The following ST7 variants were observed in gnomAD, a reference collection of about 807,000 sequenced individuals.
ST7 encodes the protein suppressor of tumorigenicity 7 protein.
A neutral mutation model predicts 78.7 loss-of-function variants in ST7; 28 were observed. The ratio of observed to expected loss-of-function variants is 0.36; its 90% CI spans 0.26 to 0.49. The LOEUF (loss-of-function observed/expected upper bound fraction) is 0.49, where lower values mean the gene tolerates loss of function less well. Among genes scored for constraint, ST7 ranks in the 20% least tolerant of loss-of-function variants. The pLI is 0.99. For missense variants in ST7, 418 were observed against 696.0 expected (o/e 0.60, Z 4.49); for synonymous variants, 247 against 249.6 (o/e 0.99, Z 0.10).
rs1804923391 is a variant in ST7 at position 117,137,860 on chromosome 7, G to T, written c.866-575G>T. Among the ~76,000 whole-genome samples the T allele has an allele frequency of 4.6e-5, 7 of 152,174 alleles. No homozygotes were observed. The South Asian group carries it at 1.5e-3, about 32-fold the overall frequency. ...TAGTGATTGTTGTTACAACTATTTAGCTTGTCAATTCTTTCTCTAACACTA... is the reference window on the plus strand; with the variant it reads ...TAGTGATTGTTGTTACAACTATTTATCTTGTCAATTCTTTCTCTAACACTA... On this transcript the variant is annotated intron_variant, in intron 8 of 15. Transcript: ENST00000323984.
intron 10 of ST7, chr7:117,173,574 C>CT (rs540532370): frequency 4.6e-5 from 7 of 152,204 alleles, no homozygotes; most frequent in Non-Finnish European, 1.0e-4. Context: ...GAAGTGGGTG[C>CT]TTTAGAGGTC....
chr7:117,004,296 C>A (rs79043432), intron 1 of ST7, among the ~76,000 whole-genome samples: 12,808 of 152,178 alleles, frequency 0.084, 588 homozygotes, highest in East Asian at 0.13. Context: ...TTTGACCTTG[C>A]CTTCGTGTTA....
chr7:117,164,202 C>G (rs913130306), intron 9 of ST7, among the ~76,000 whole-genome samples: 3 of 152,102 alleles, frequency 2.0e-5, no homozygotes, highest in African/African-American at 7.2e-5. Context: ...TATCTACAGC[C>G]AACTGATTTT....
chr7:117,035,639 A>G (rs1324545408), intron 1 of ST7, among the ~76,000 whole-genome samples: 1 of 152,192 alleles, frequency 6.6e-6, no homozygotes, highest in African/African-American at 2.4e-5. Context: ...AATAAGGGAA[A>G]TATCTCCATT....
chr7:117,198,060 A>C (rs1282952193), intron 12 of ST7, among the ~76,000 whole-genome samples: 1 of 152,214 alleles, frequency 6.6e-6, no homozygotes, highest in Admixed American at 6.5e-5. Flanking sequence ...TCTAAAAAAG[A>C]GAAAAGCTCA....
At chr7:117,006,093 G>A (rs892162703) in intron 1 of ST7, among the ~76,000 whole-genome samples, 12 of 152,304 alleles carry the variant, frequency 7.9e-5, no homozygotes, top group Admixed American at 7.2e-4. Context: ...AGGCTCCAAA[G>A]TGGATTTTGC....
intron 7 of ST7, 90 bp from the exon 8 acceptor site, chr7:117,135,991 G>A (rs572934688): frequency 5.6e-5 from 81 of 1,450,130 alleles, no homozygotes; most frequent in Admixed American, 1.9e-4. Flanking sequence ...ATGTTTTGGC[G>A]TAACTCCTTG....
chr7:116,955,787 G>A (rs1331075074), intron 1 of ST7, among the ~76,000 whole-genome samples: 1 of 152,140 alleles, frequency 6.6e-6, no homozygotes, highest in Non-Finnish European at 1.5e-5. Context: ...GCATTGTTAG[G>A]TCTTCTAGCA....
At chr7:117,129,919 C>A in intron 4 of ST7, 72 bp downstream of exon 4, 2 of 1,310,842 alleles carry the variant, frequency 1.5e-6, no homozygotes, top group Non-Finnish European at 2.2e-6. Context: ...AATGTTTTTG[C>A]TGGTTCATTT....
intron 1 of ST7, among the ~76,000 whole-genome samples, chr7:117,029,124 A>G (rs1450539440): frequency 6.6e-6 from 1 of 152,120 alleles, no homozygotes; most frequent in East Asian, 1.9e-4. Context: ...ATATGTTTTC[A>G]TTTCTCTTAG....
At chr7:117,229,696 G>A in intron 15 of ST7, 66 bp from the exon 16 acceptor site, 2 of 1,296,434 alleles carry the variant, frequency 1.5e-6, no homozygotes, top group South Asian at 1.4e-5. Context: ...CGTGGGTGGA[G>A]AGGTTTGTTT....
chr7:117,223,848 A>G, intron 15 of ST7: 1 of 621,654 alleles, frequency 1.6e-6, no homozygotes, highest in Non-Finnish European at 2.0e-6. Context: ...TGTATCCCCA[A>G]GGCTTTGCAC....
At chr7:116,966,459 C>G (rs370959248) in intron 1 of ST7, among the ~76,000 whole-genome samples, 12 of 152,006 alleles carry the variant, frequency 7.9e-5, no homozygotes, top group African/African-American at 2.9e-4. Context: ...CTATGTTGGC[C>G]AGGCTGGTCT....
At chr7:117,103,367 A>G (rs1281960997) in intron 2 of ST7, among the ~76,000 whole-genome samples, 1 of 152,234 alleles carries the variant, frequency 6.6e-6, no homozygotes, top group Non-Finnish European at 1.5e-5. Flanking sequence ...ACAAAGTTAT[A>G]GTAACCAAAT....
At position 117,197,496 on chromosome 7, in the gene ST7, C is replaced by T. The variant is rs76963233; in HGVS notation, c.1254+6560C>T. 5.5e-3 allele frequency among the ~76,000 whole-genome samples: 832 copies of T among 152,188 alleles called. 2 individuals are homozygous for T. Among genetic ancestry groups the T allele is most frequent in the Non-Finnish European group, 9.6e-3 (651 of 68,020 alleles). On this transcript the variant is annotated intron_variant, in intron 12 of 15. Coordinates refer to ENST00000323984, the MANE Select transcript of ST7 (RefSeq NM_001369598.1). ...GAAGCACTTAAGGCTCTTGATATTGCGGAACTACTTGCCAAAAAAGATTAT... is the reference window on the plus strand; with the variant it reads ...GAAGCACTTAAGGCTCTTGATATTGTGGAACTACTTGCCAAAAAAGATTAT...
intron 1 of ST7, among the ~76,000 whole-genome samples, chr7:117,013,480 G>A (rs1795467351): frequency 6.6e-6 from 1 of 152,180 alleles, no homozygotes; most frequent in South Asian, 2.1e-4. Flanking sequence ...TTATGGTAAG[G>A]AAGCACTGAT....
chr7:116,992,952 A>G (rs1211896271), intron 1 of ST7, among the ~76,000 whole-genome samples: 1 of 152,210 alleles, frequency 6.6e-6, no homozygotes, highest in African/African-American at 2.4e-5. Flanking sequence ...ACATAATAAG[A>G]GTCGCCTTTG....
intron 1 of ST7, among the ~76,000 whole-genome samples, chr7:116,975,138 G>C (rs1793633513): frequency 6.6e-6 from 1 of 152,184 alleles, no homozygotes; most frequent in Non-Finnish European, 1.5e-5. Context: ...AGGCTTCATA[G>C]TCATGGCAGA....
intron 10 of ST7, among the ~76,000 whole-genome samples, chr7:117,183,173 C>G (rs1032160324): frequency 2.6e-5 from 4 of 151,878 alleles, no homozygotes; most frequent in Non-Finnish European, 5.9e-5. Flanking sequence ...TGCCTGTAAT[C>G]CCAGCATTTT....
Sources: allele counts gnomAD v4.1 joint callset (sites outside exome capture counted in the v4.1 genomes callset), GRCh38; gene constraint gnomAD v4.1.1; transcripts MANE v1.5; gene names NCBI Gene and HGNC (gene_info 2026-07-23, HGNC 2026-07-21).